Variants in GNPAT observed in about 807,000 individuals in gnomAD.
The protein encoded by GNPAT is glyceronephosphate O-acyltransferase, also known as dihydroxyacetone phosphate acyltransferase.
Under a neutral mutation model 78.4 loss-of-function variants are expected in GNPAT, and 30 were observed. That is an observed-to-expected ratio of 0.38 (90% CI 0.29 to 0.52). The LOEUF (loss-of-function observed/expected upper bound fraction) is 0.52. GNPAT is among the 20% of genes least tolerant of loss of function. The pLI, the probability that GNPAT is intolerant of heterozygous loss-of-function variation, is 0.84. For synonymous variants in GNPAT, 271 were observed against 281.1 expected (o/e 0.96, Z 0.36); for missense variants, 714 against 812.2 (o/e 0.88, Z 1.47).
chr1:231,274,508 A>G (rs1225119199), intron 12 of GNPAT, among the ~76,000 whole-genome samples: 3 of 152,236 alleles, frequency 2.0e-5, no homozygotes, highest in African/African-American at 7.2e-5. Context: ...TTCAAGTGCA[A>G]GTTCTGAAAG....
intron 12 of GNPAT, among the ~76,000 whole-genome samples, chr1:231,274,745 A>G (rs1685663493): frequency 6.6e-6 from 1 of 152,158 alleles, no homozygotes; most frequent in Non-Finnish European, 1.5e-5. Flanking sequence ...CCGTGAAATA[A>G]CTCATTCAGC....
chr1:231,269,046 A>G (rs1685475889), intron 9 of GNPAT, among the ~76,000 whole-genome samples: 1 of 149,140 alleles, frequency 6.7e-6, no homozygotes, highest in African/African-American at 2.5e-5. Flanking sequence ...ACTACCAGGG[A>G]TATGAAGATG....
intron 1 of GNPAT, 62 bp downstream of exon 1, chr1:231,241,518 A>C: frequency 8.4e-7 from 1 of 1,196,226 alleles, no homozygotes; most frequent in Non-Finnish European, 1.2e-6. Context: ...CCTTTCTCCC[A>C]GTCCCTATTC....
intron 3 of GNPAT, among the ~76,000 whole-genome samples, chr1:231,261,226 C>T (rs528079411): frequency 1.4e-4 from 22 of 152,248 alleles, no homozygotes; most frequent in African/African-American, 3.9e-4. Flanking sequence ...TCATGTGTTG[C>T]GCTAGAAATC....
chr1:231,277,082 A>G (rs1685738428), intron 15 of GNPAT, among the ~76,000 whole-genome samples: 1 of 152,106 alleles, frequency 6.6e-6, no homozygotes, highest in African/African-American at 2.4e-5. Flanking sequence ...GAAGTACTAG[A>G]CCTTGTAGAA....
At chr1:231,264,657 G>A (rs1685324233) in intron 4 of GNPAT, among the ~76,000 whole-genome samples, 1 of 152,186 alleles carries the variant, frequency 6.6e-6, no homozygotes, top group Admixed American at 6.5e-5. Context: ...TAAAACTGCT[G>A]GTAGCAATCT....
intron 9 of GNPAT, 112 bp from the exon 10 acceptor site, chr1:231,270,646 G>C: frequency 1.9e-6 from 2 of 1,042,258 alleles, no homozygotes; most frequent in Non-Finnish European, 3.0e-6. Flanking sequence ...AGTAAAACCT[G>C]TCACTTGAAA....
At chr1:231,255,178 AGT>A (rs1441771607) in intron 2 of GNPAT, among the ~76,000 whole-genome samples, 2 of 152,102 alleles carry the variant, frequency 1.3e-5, no homozygotes, top group Non-Finnish European at 2.9e-5. Flanking sequence ...CTCCTGTTTG[AGT>A]TTAATCCCTA....
intron 2 of GNPAT, among the ~76,000 whole-genome samples, chr1:231,252,384 G>A (rs1350704440): frequency 6.6e-6 from 1 of 152,224 alleles, no homozygotes; most frequent in Non-Finnish European, 1.5e-5. Flanking sequence ...CTTAAGTTCT[G>A]TTATAGCTGT....
rs1160331100 is a variant in GNPAT, at chr1:231,266,408, G to T, written c.1055+1G>T. The T allele has an allele frequency of 6.2e-7, 1 of 1,613,214 alleles. No homozygotes were observed. The highest frequency in any genetic ancestry group is 8.5e-7 in the Non-Finnish European group (1 of 1,179,286). ...GGAGCTCATATAACTTGGTTCCAAG[G>T]TGTGACCTGTGTTTTAATAACTGTC... On this transcript the variant is annotated splice_donor_variant, in intron 8 of 15. Coordinates refer to ENST00000366647, the MANE Select transcript of GNPAT (RefSeq NM_014236.4). LOFTEE classifies it high-confidence loss of function.
Position 231,267,398 on chromosome 1 carries a change from G to A in GNPAT, c.1056-282G>A, listed in dbSNP as rs983672722. 3.9e-5 allele frequency among the ~76,000 whole-genome samples: 6 copies of A among 152,132 alleles called. No individual in the cohort carries two copies. The South Asian group carries it at 6.2e-4, about 16-fold the overall frequency. On this transcript the variant is annotated intron_variant, in intron 8 of 15. Coordinates refer to ENST00000366647, the MANE Select transcript of GNPAT (RefSeq NM_014236.4). ...GGCAGGCATCCATTCTCAGAGAAAC[G>A]ATGTATCCTATTTAGGAAGCAACAA...
At chr1:231,263,161 A>G (rs1279755869) in intron 4 of GNPAT, among the ~76,000 whole-genome samples, 1 of 152,222 alleles carries the variant, frequency 6.6e-6, no homozygotes, top group East Asian at 1.9e-4. Flanking sequence ...CTCTCTAGGC[A>G]ATAAATAGAT....
intron 15 of GNPAT, 133 bp from the exon 16 acceptor site, chr1:231,277,366 T>G: frequency 1.4e-6 from 1 of 710,798 alleles, no homozygotes. Flanking sequence ...GGCGTCCCCA[T>G]GGGTACTGGC....
intron 4 of GNPAT, among the ~76,000 whole-genome samples, chr1:231,264,250 T>G (rs913344493): frequency 6.6e-6 from 1 of 152,192 alleles, no homozygotes; most frequent in Admixed American, 6.6e-5. Context: ...AGATCTTTGG[T>G]TTTTTGAGTT....
intron 9 of GNPAT, among the ~76,000 whole-genome samples, 193 bp from the exon 10 acceptor site, chr1:231,270,565 A>G (rs1229028730): frequency 1.3e-5 from 2 of 152,150 alleles, no homozygotes; most frequent in Non-Finnish European, 2.9e-5. Flanking sequence ...GAGAGAGAGA[A>G]AGAATTGATT....
intron 2 of GNPAT, among the ~76,000 whole-genome samples, chr1:231,254,667 C>A (rs1684996073): frequency 6.6e-6 from 1 of 151,254 alleles, no homozygotes; most frequent in African/African-American, 2.4e-5. Flanking sequence ...TCAGGATGGT[C>A]TTGATCTCCT....
intron 15 of GNPAT, among the ~76,000 whole-genome samples, chr1:231,276,746 T>C (rs1685728177): frequency 2.6e-5 from 4 of 152,230 alleles, no homozygotes; most frequent in Admixed American, 1.3e-4. Flanking sequence ...TCCTTGAGTG[T>C]TGACATAAAC....
chr1:231,262,905 C>T (rs1439996485), intron 4 of GNPAT, 53 bp downstream of exon 4: 8 of 1,349,916 alleles, frequency 5.9e-6, no homozygotes, highest in Admixed American at 3.4e-5. Context: ...AGTTCACTGG[C>T]ATATTCTAGC....
Position 231,241,220 on chromosome 1 carries a change from G to C in GNPAT, c.-159G>C, listed in dbSNP as rs754960864. On this transcript the variant is annotated 5_prime_UTR_variant, in exon 1 of 16. Coordinates refer to ENST00000366647, the MANE Select transcript of GNPAT (RefSeq NM_014236.4). ...AGGGCCCTGCGCGGCTTCCGTCCTG[G>C]CTGAGATGGCGGCGCCCGGGATCCT... The C allele has an allele frequency of 7.2e-6, 11 of 1,525,014 alleles. No homozygotes were observed. In the East Asian group the frequency reaches 2.0e-4, roughly 28 times the overall value. The allele number at this position is 1,525,014 out of a possible 1,614,324, so 94.5% of individuals were successfully genotyped here.
Sources: gnomAD v4.1 joint callset for allele counts (sites outside exome capture counted in the v4.1 genomes callset) on GRCh38, gnomAD v4.1.1 for gene constraint, MANE v1.5 for transcripts, NCBI Gene and HGNC (gene_info 2026-07-23, HGNC 2026-07-21) for gene names.